TWIST2: variants seen among roughly 807,000 people sequenced by gnomAD.
The protein encoded by TWIST2 is twist-related protein 2.
Under a neutral mutation model 11.6 loss-of-function variants are expected in TWIST2, and 1 was observed. That is an observed-to-expected ratio of 0.09 (90% confidence interval 0.03 to 0.41). The LOEUF (loss-of-function observed/expected upper bound fraction) is 0.41, where lower values mean the gene tolerates loss of function less well. TWIST2 is among the 10% of genes least tolerant of loss of function. The pLI is 0.98. For missense variants in TWIST2, 168 were observed against 226.4 expected (o/e 0.74, Z 1.66); for synonymous variants, 87 against 96.6 (o/e 0.90, Z 0.58).
intron 1 of TWIST2, among the ~76,000 whole-genome samples, chr2:238,850,977 A>G (rs1442276682): frequency 6.6e-6 from 1 of 152,176 alleles, no homozygotes; most frequent in Non-Finnish European, 1.5e-5. Context: ...TTTGTCTTTA[A>G]CTCATTATTC....
chr2:238,870,105 C>A (rs1692620004), intron 1 of TWIST2, among the ~76,000 whole-genome samples: 2 of 122,664 alleles, frequency 1.6e-5, no homozygotes, highest in Non-Finnish European at 3.4e-5. Flanking sequence ...GGTGTGTACA[C>A]AGACACACCA....
At chr2:238,875,112 C>A (rs1033713929) in intron 1 of TWIST2, among the ~76,000 whole-genome samples, 2 of 152,100 alleles carry the variant, frequency 1.3e-5, no homozygotes, top group Admixed American at 6.5e-5. Context: ...GCAGAAAATA[C>A]GAAATACATT....
At chr2:238,862,041 C>T (rs942105025) in intron 1 of TWIST2, among the ~76,000 whole-genome samples, 3 of 152,208 alleles carry the variant, frequency 2.0e-5, no homozygotes, top group African/African-American at 7.2e-5. Context: ...CCAGCAGGGA[C>T]AGTCACAGCT....
chr2:238,895,954 G>T (rs1693201896), intron 1 of TWIST2, among the ~76,000 whole-genome samples: 1 of 152,232 alleles, frequency 6.6e-6, no homozygotes, highest in Non-Finnish European at 1.5e-5. Context: ...CTGAAGCCAA[G>T]CCCAAGCTGA....
At chr2:238,861,188 G>T (rs1290904330) in intron 1 of TWIST2, among the ~76,000 whole-genome samples, 1 of 152,172 alleles carries the variant, frequency 6.6e-6, no homozygotes. Flanking sequence ...GACACATCTT[G>T]GTCTCATGGC....
rs1490100899 is a variant in TWIST2 at position 238,880,948 on chromosome 2, T to C, written c.*36-28894T>C. On this transcript the variant is annotated intron_variant, in intron 1 of 1. Coordinates refer to ENST00000612363, the MANE Select transcript of TWIST2 (RefSeq NM_001271893.4). ...GTGTTAGTATTTATTTGTGTTAGCA[T>C]TAGTATTAATGTTAGTGTTAGTATT... is the stretch of plus-strand genomic sequence containing the variant. Among the ~76,000 whole-genome samples the C allele has an allele frequency of 2.6e-4, 25 of 95,540 alleles. No homozygotes were observed. The South Asian group carries it at 9.9e-3, about 38-fold the overall frequency. The allele number at this position is 95,540 out of a possible 152,430, so 62.7% of individuals were successfully genotyped here. A position where few individuals can be genotyped will look rare whatever the true frequency, so the allele number is the denominator to read the frequency against.
At chr2:238,902,932 ATG>A (rs1327839928) in intron 1 of TWIST2, among the ~76,000 whole-genome samples, 2 of 1,072 alleles carry the variant, frequency 1.9e-3, no homozygotes, top group African/African-American at 3.9e-3. Context: ...GGTGTGTGTG[ATG>A]TGGGTGTTGT....
intron 1 of TWIST2, among the ~76,000 whole-genome samples, chr2:238,871,680 A>AC (rs1350161537): frequency 1.5e-3 from 146 of 99,632 alleles, no homozygotes; most frequent in African/African-American, 4.6e-3. Flanking sequence ...ACCCCCCCCC[A>AC]ACACACACAC....
Position 238,870,574 on chromosome 2 carries a change from A to ACC in TWIST2, c.*35+21842_*35+21843dup, listed in dbSNP as rs1692660009. Among the ~76,000 whole-genome samples the ACC allele has an allele frequency of 5.2e-5, 4 of 76,840 alleles. 1 individual carries two copies. Among genetic ancestry groups the ACC allele is most frequent in the Non-Finnish European group, 1.0e-4 (4 of 39,422 alleles). The allele number at this position is 76,840 out of a possible 152,430, so 50.4% of individuals were successfully genotyped here. A position where few individuals can be genotyped will look rare whatever the true frequency, so the allele number is the denominator to read the frequency against. The stretch of plus-strand genomic sequence containing the variant: ...ACCCCACACACACCACACACCACAC[A>ACC]CCACACACACACACCACACACCCCA... On this transcript the variant is annotated intron_variant, in intron 1 of 1. Transcript: ENST00000612363.
chr2:238,856,594 A>G (rs759584739), intron 1 of TWIST2, among the ~76,000 whole-genome samples: 21 of 152,176 alleles, frequency 1.4e-4, no homozygotes, highest in African/African-American at 3.4e-4. Context: ...GTCAAGTGAT[A>G]TATGAAGAAT....
chr2:238,883,122 C>T (rs1266114008), intron 1 of TWIST2, among the ~76,000 whole-genome samples: 1 of 152,198 alleles, frequency 6.6e-6, no homozygotes, highest in Non-Finnish European at 1.5e-5. Flanking sequence ...CGTTTCTGAA[C>T]CTCCATTTTC....
chr2:238,849,826 G>A (rs1226932139), intron 1 of TWIST2, among the ~76,000 whole-genome samples: 1 of 152,220 alleles, frequency 6.6e-6, no homozygotes, highest in Admixed American at 6.5e-5. Context: ...GAGCAGGCGA[G>A]CCCCTCTCTC....
intron 1 of TWIST2, among the ~76,000 whole-genome samples, chr2:238,869,569 A>G (rs1359253694): frequency 6.6e-6 from 1 of 152,226 alleles, no homozygotes; most frequent in East Asian, 1.9e-4. Context: ...CAAAGATGAT[A>G]TACAAATGGC....
At chr2:238,855,114 C>A (rs946001210) in intron 1 of TWIST2, among the ~76,000 whole-genome samples, 11 of 152,210 alleles carry the variant, frequency 7.2e-5, no homozygotes, top group African/African-American at 2.4e-4. Context: ...GCTAGCTAGC[C>A]TGCAGGGTTG....
intron 1 of TWIST2, among the ~76,000 whole-genome samples, chr2:238,905,717 C>T (rs1001483017): frequency 1.7e-3 from 262 of 152,188 alleles, no homozygotes; most frequent in Middle Eastern, 6.8e-3. Flanking sequence ...CTTTCTCTAC[C>T]CACCCCCCCT....
chr2:238,907,731 CACAT>C (rs1441065158), intron 1 of TWIST2, among the ~76,000 whole-genome samples: 2 of 145,000 alleles, frequency 1.4e-5, no homozygotes, highest in Non-Finnish European at 3.0e-5. Context: ...CACAAACACA[CACAT>C]AAACGCACAC....
At chr2:238,893,461 A>G (rs1693172634) in intron 1 of TWIST2, among the ~76,000 whole-genome samples, 3 of 152,092 alleles carry the variant, frequency 2.0e-5, no homozygotes, top group African/African-American at 4.8e-5. Flanking sequence ...ATTCTGCCAC[A>G]CTTTCCAGGC....
intron 1 of TWIST2, among the ~76,000 whole-genome samples, chr2:238,871,165 A>ACACACACCACACACCC (rs1559274776): frequency 1.1e-3 from 2 of 1,832 alleles, no homozygotes; most frequent in Non-Finnish European, 1.1e-3. Flanking sequence ...CACACACCCC[A>ACACACACCACACACCC]CACACACACC....
rs190511565 is a variant in TWIST2 at position 238,868,331 on chromosome 2, C to G, written c.*35+19598C>G. ...CCAAGTGCCGGGAGCCCCCCGCCCCCCAGCCTGCTCTGGTAAGCGTCGGGC... is the reference window on the plus strand; with the variant it reads ...CCAAGTGCCGGGAGCCCCCCGCCCCGCAGCCTGCTCTGGTAAGCGTCGGGC... On this transcript the variant is annotated intron_variant, in intron 1 of 1. Coordinates refer to ENST00000612363, the MANE Select transcript of TWIST2 (RefSeq NM_001271893.4). 3.5e-4 allele frequency among the ~76,000 whole-genome samples: 54 copies of G among 152,352 alleles called. 2 individuals are homozygous for G. Among genetic ancestry groups the G allele is most frequent in the African/African-American group, 1.3e-3 (53 of 41,588 alleles).
Sources: allele counts gnomAD v4.1 joint callset (sites outside exome capture counted in the v4.1 genomes callset), GRCh38; gene constraint gnomAD v4.1.1; transcripts MANE v1.5; gene names NCBI Gene and HGNC (gene_info 2026-07-23, HGNC 2026-07-21).